Variants in AGXT2 observed in about 807,000 individuals in gnomAD.
The protein encoded by AGXT2 is alanine--glyoxylate aminotransferase 2, mitochondrial.
AGXT2 carries 61 observed loss-of-function variants against 62.5 expected under a neutral mutation model. The ratio of observed to expected loss-of-function variants is 0.98; its 90% CI spans 0.79 to 1.21. The LOEUF (loss-of-function observed/expected upper bound fraction) is 1.21, where lower values mean the gene tolerates loss of function less well. Among genes scored for constraint, AGXT2 ranks in the 50% most tolerant of loss-of-function variants. The pLI, the probability that AGXT2 is intolerant of heterozygous loss-of-function variation, is 0.00. For synonymous variants in AGXT2, 243 were observed against 218.7 expected (o/e 1.11, Z -0.98); for missense variants, 666 against 641.5 (o/e 1.04, Z -0.41).
chr5:35,025,269 G>A (rs344516), intron 9 of AGXT2, among the ~76,000 whole-genome samples: 21,968 of 152,102 alleles, frequency 0.14, 3,371 homozygotes, highest in African/African-American at 0.39. Flanking sequence ...CCAGCTACTC[G>A]GGAGGCTGTG....
At chr5:35,011,384 T>C (rs4703493) in intron 11 of AGXT2, among the ~76,000 whole-genome samples, 74,538 of 150,012 alleles carry the variant, frequency 0.5, 19,192 homozygotes, top group Non-Finnish European at 0.57. Flanking sequence ...CGCTTGAACC[T>C]GGGAGGCAGA....
chr5:35,037,116 T>G (rs1767805763), intron 3 of AGXT2, 51 bp from the exon 4 acceptor site: 2 of 1,612,074 alleles, frequency 1.2e-6, no homozygotes, highest in South Asian at 1.1e-5. Flanking sequence ...ACGTCCCTCC[T>G]GCACACACCC....
chr5:35,019,871 T>TA (rs1204556386), intron 9 of AGXT2, among the ~76,000 whole-genome samples: 3 of 151,782 alleles, frequency 2.0e-5, no homozygotes, highest in African/African-American at 7.3e-5. Flanking sequence ...ATAGATGCAA[T>TA]AAAAAATGAT....
intron 9 of AGXT2, among the ~76,000 whole-genome samples, 166 bp from the exon 10 acceptor site, chr5:35,014,285 C>T (rs922994888): frequency 6.6e-6 from 1 of 151,808 alleles, no homozygotes; most frequent in African/African-American, 2.4e-5. Flanking sequence ...AACCCTGTCT[C>T]TTCTAAAAAT....
Position 35,026,504 on chromosome 5 carries a change from C to A in AGXT2, c.776G>T (p.Cys259Phe), listed in dbSNP as rs778109101. 174 of 1,612,924 alleles carry A rather than the reference C, an allele frequency of 1.1e-4. No homozygotes were observed. The highest frequency in any genetic ancestry group is 1.4e-4 in the Non-Finnish European group (166 of 1,179,436). Residue 259 changes from cysteine (C) to phenylalanine (F), a missense_variant, in exon 8 of 14, where the codon TGC (cysteine) becomes TTC (phenylalanine). Coordinates refer to ENST00000231420, the MANE Select transcript of AGXT2 (RefSeq NM_031900.4). ...IRKCSCAPDC[C>F]QAKDQYIEQF... The stretch of plus-strand genomic sequence containing the variant: ...CTCAATATACTGATCTTTAGCTTGG[C>A]AGCAGTCTGCAAAAAGCAAACAACA...
At chr5:35,000,772 C>T (rs777018259) in intron 13 of AGXT2, among the ~76,000 whole-genome samples, 2 of 152,184 alleles carry the variant, frequency 1.3e-5, no homozygotes, top group South Asian at 2.1e-4. Context: ...GGGAGATTTC[C>T]TCATCTCACT....
chr5:35,042,791 G>C (rs980277213), intron 1 of AGXT2, among the ~76,000 whole-genome samples: 1 of 151,114 alleles, frequency 6.6e-6, no homozygotes, highest in Non-Finnish European at 1.5e-5. Context: ...GGAGGTGGAG[G>C]GGAAGGAATG....
Position 35,013,985 on chromosome 5 carries a change from A to G in AGXT2, c.1096+2T>C. Reference sequence around the variant, plus strand: ...CAAACACAAACTGCCTGTGGGTCCTACCTGGAGTGGTTATGACTGCTGCCA... The same window carrying G: ...CAAACACAAACTGCCTGTGGGTCCTGCCTGGAGTGGTTATGACTGCTGCCA... On this transcript the variant is annotated splice_donor_variant, in intron 10 of 13. Coordinates refer to ENST00000231420, the MANE Select transcript of AGXT2 (RefSeq NM_031900.4). LOFTEE classifies it high-confidence loss of function. The G allele has an allele frequency of 6.2e-7, 1 of 1,614,028 alleles. No homozygotes were observed. Among genetic ancestry groups the G allele is most frequent in the Non-Finnish European group, 8.5e-7 (1 of 1,179,946 alleles).
At chr5:35,034,406 G>A (rs934222843) in intron 5 of AGXT2, among the ~76,000 whole-genome samples, 1 of 152,056 alleles carries the variant, frequency 6.6e-6, no homozygotes, top group East Asian at 1.9e-4. Flanking sequence ...ATGCTCATTT[G>A]ATATGGAATG....
rs1006720839 is a variant in AGXT2, at chr5:35,045,429, C to G, written c.88+2376G>C. Among the ~76,000 whole-genome samples the G allele has an allele frequency of 2.6e-5, 4 of 152,258 alleles. No homozygotes were observed. The East Asian group carries it at 7.7e-4, about 29-fold the overall frequency. On this transcript the variant is annotated intron_variant, in intron 1 of 13. Coordinates refer to ENST00000231420, the MANE Select transcript of AGXT2 (RefSeq NM_031900.4). ...ATACATAAATACATACATATTCACACACATATATATTTTTACATATTTACT... is the reference window on the plus strand; with the variant it reads ...ATACATAAATACATACATATTCACAGACATATATATTTTTACATATTTACT...
intron 2 of AGXT2, among the ~76,000 whole-genome samples, chr5:35,040,048 C>CAT: frequency 6.6e-6 from 1 of 151,296 alleles, no homozygotes; most frequent in Middle Eastern, 3.4e-3. Flanking sequence ...TGTGCATGCA[C>CAT]GTGTGCATGC....
At position 34,998,736 on chromosome 5, in the gene AGXT2, C is replaced by G. The variant is rs1218468303; in HGVS notation, c.1528G>C (p.Glu510Gln). The G allele has an allele frequency of 6.2e-7, 1 of 1,612,936 alleles. No individual in the cohort carries two copies. The highest frequency in any genetic ancestry group is 2.2e-5 in the East Asian group (1 of 44,888). ...TGACAATGTTACTTAGCTCTTCTTT[C>G]CATGTGTTGGGTTAAGGCAGAACGA... is the stretch of plus-strand genomic sequence containing the variant. ...VFRSALTQHM[E>Q]RRAK The change falls in exon 14 of 14, where the codon GAA (glutamate) becomes CAA (glutamine). Residue 510 changes from glutamate (E) to glutamine (Q), a missense_variant. Transcript: ENST00000231420.
rs771394080 is a variant in AGXT2, at chr5:34,998,703, T to C, written c.*16A>G. ...CAAATTCTTGAGACTTGTGGTTTTATTTATTTCTGACAATGTTACTTAGCT... is the reference window on the plus strand; with the variant it reads ...CAAATTCTTGAGACTTGTGGTTTTACTTATTTCTGACAATGTTACTTAGCT... On this transcript the variant is annotated 3_prime_UTR_variant, in exon 14 of 14. Transcript: ENST00000231420. The C allele has an allele frequency of 1.9e-6, 3 of 1,598,070 alleles. No homozygotes were observed. Among genetic ancestry groups the C allele is most frequent in the Non-Finnish European group, 1.7e-6 (2 of 1,165,994 alleles).
At chr5:35,023,369 CAGGT>C (rs1408979139) in intron 9 of AGXT2, among the ~76,000 whole-genome samples, 1 of 152,160 alleles carries the variant, frequency 6.6e-6, no homozygotes, top group Non-Finnish European at 1.5e-5. Flanking sequence ...TGACACATAG[CAGGT>C]ACTCAGAGAG....
intron 11 of AGXT2, among the ~76,000 whole-genome samples, chr5:35,011,909 GGT>G (rs1766655167): frequency 7.7e-6 from 1 of 130,020 alleles, no homozygotes; most frequent in African/African-American, 3.1e-5. Context: ...AAGAAAATGT[GGT>G]GTATACACAC....
At chr5:35,001,737 C>T (rs1029054408) in intron 13 of AGXT2, among the ~76,000 whole-genome samples, 4 of 152,176 alleles carry the variant, frequency 2.6e-5, no homozygotes, top group African/African-American at 9.6e-5. Flanking sequence ...TACTCTGCCA[C>T]ATTTCATGCA....
At chr5:35,027,033 C>G (rs1053734174) in intron 7 of AGXT2, 10 of 985,200 alleles carry the variant, frequency 1.0e-5, no homozygotes, top group Non-Finnish European at 9.6e-6. Flanking sequence ...TGTTCGAGAG[C>G]TAGGTGGCTT....
At chr5:35,020,253 G>A (rs1024822457) in intron 9 of AGXT2, among the ~76,000 whole-genome samples, 21 of 152,134 alleles carry the variant, frequency 1.4e-4, no homozygotes, top group Non-Finnish European at 2.6e-4. Context: ...TACCAAAGCC[G>A]GGCAGAGACA....
At chr5:35,009,457 A>T (rs1174560186) in intron 12 of AGXT2, among the ~76,000 whole-genome samples, 1 of 152,082 alleles carries the variant, frequency 6.6e-6, no homozygotes, top group Non-Finnish European at 1.5e-5. Context: ...TTAGCCAGGT[A>T]TGGTGGTGTG....
Sources: allele counts gnomAD v4.1 joint callset (sites outside exome capture counted in the v4.1 genomes callset), GRCh38; gene constraint gnomAD v4.1.1; transcripts MANE v1.5; gene names NCBI Gene and HGNC (gene_info 2026-07-23, HGNC 2026-07-21).